Variants in PDE1A observed in about 807,000 individuals in gnomAD.
PDE1A encodes phosphodiesterase 1A.
In PDE1A, 35 loss-of-function variants were observed where a neutral mutation model predicts 61.7. The ratio of observed to expected loss-of-function variants is 0.57; its 90% CI spans 0.43 to 0.75. PDE1A has a LOEUF of 0.75. Ranked by LOEUF, PDE1A falls within the 30% of genes least tolerant of loss-of-function variation. The probability of loss-of-function intolerance (pLI) is 0.00; values close to 1 mark genes in which losing one functional copy is unlikely to be tolerated. For missense variants in PDE1A, 597 were observed against 630.6 expected (o/e 0.95, Z 0.57); for synonymous variants, 232 against 213.2 (o/e 1.09, Z -0.77).
chr2:182,410,951 T>C lies in PDE1A; in HGVS notation c.53+15627A>G, dbSNP rs1702575275. Among the ~76,000 whole-genome samples, 3 of 152,216 alleles carry C rather than the reference T, an allele frequency of 2.0e-5. No homozygotes were observed. The South Asian group carries it at 6.2e-4, about 32-fold the overall frequency. On this transcript the variant is annotated intron_variant, in intron 1 of 13. Transcript: ENST00000351439. ...GTAATTGGTTAATTTGGGAAGTTTG[T>C]GTCTTCTCCCAAATAGAATCTGCTA...
At chr2:182,684,420 G>C in the PDE1A span, among the ~76,000 whole-genome samples, 1 of 152,076 alleles carries the variant, frequency 6.6e-6, no homozygotes, top group Non-Finnish European at 1.5e-5. Flanking sequence ...CACCAAGAAA[G>C]AACTCACTAG....
the PDE1A span, among the ~76,000 whole-genome samples, chr2:182,693,637 C>CTTTTTTTT: frequency 1.6e-5 from 2 of 123,428 alleles, no homozygotes; most frequent in Non-Finnish European, 3.4e-5. Flanking sequence ...TGATAGTGTT[C>CTTTTTTTT]TTTTTTTTTT....
At chr2:182,395,910 A>G (rs1158637979) in intron 1 of PDE1A, among the ~76,000 whole-genome samples, 1 of 152,182 alleles carries the variant, frequency 6.6e-6, no homozygotes, top group Non-Finnish European at 1.5e-5. Flanking sequence ...AGTGGTCATC[A>G]AGTCACCATG....
At chr2:182,453,123 A>G (rs1207277685) in intron 2 of PDE1A, among the ~76,000 whole-genome samples, 3 of 152,112 alleles carry the variant, frequency 2.0e-5, no homozygotes, top group African/African-American at 7.2e-5. Context: ...ACGTATTTTT[A>G]TGGCCTAAAA....
chr2:182,663,424 T>G, the PDE1A span, among the ~76,000 whole-genome samples: 2 of 152,154 alleles, frequency 1.3e-5, no homozygotes, highest in Non-Finnish European at 2.9e-5. Flanking sequence ...GAAACAACCT[T>G]AATGCCTATC....
chr2:182,325,190 G>A lies in PDE1A; in HGVS notation c.54-60776C>T, dbSNP rs541396572. On this transcript the variant is annotated intron_variant, in intron 1 of 13. Coordinates refer to ENST00000351439, the Ensembl canonical transcript of PDE1A. ...GAAGATATAAGTCTCAAGTATGAGA[G>A]TAATGGAAAATATAGACTTGTTGGT... 5.9e-5 allele frequency among the ~76,000 whole-genome samples: 9 copies of A among 152,316 alleles called. No individual in the cohort carries two copies. In the East Asian group the frequency reaches 1.7e-3, roughly 29 times the overall value.
chr2:182,612,750 ACTT>A, the PDE1A span, among the ~76,000 whole-genome samples: 1 of 152,242 alleles, frequency 6.6e-6, no homozygotes, highest in East Asian at 1.9e-4. Context: ...CTGTCAACTG[ACTT>A]ATACAAAAAC....
chr2:182,262,119 C>CAA (rs1692257130), intron 2 of PDE1A, among the ~76,000 whole-genome samples: 1 of 150,336 alleles, frequency 6.7e-6, no homozygotes, highest in Non-Finnish European at 1.5e-5. Flanking sequence ...AAAATAATTT[C>CAA]TTTCTTTCTC....
At chr2:182,341,708 T>G (rs897896360) in intron 1 of PDE1A, among the ~76,000 whole-genome samples, 2 of 152,226 alleles carry the variant, frequency 1.3e-5, no homozygotes, top group African/African-American at 4.8e-5. Context: ...TGCTTTATTG[T>G]GTTCACATGT....
chr2:182,240,172 A>G (rs1299342871), exon 3 of PDE1A: 1 of 1,614,002 alleles, frequency 6.2e-7, no homozygotes, highest in Admixed American at 1.7e-5. Flanking sequence ...GTTTTTCCTC[A>G]GGTTTCTTTT....
intron 7 of PDE1A, among the ~76,000 whole-genome samples, chr2:182,213,268 C>T (rs1687825797): frequency 7.1e-6 from 1 of 140,662 alleles, no homozygotes; most frequent in Admixed American, 7.3e-5. Context: ...CCCATCTGTA[C>T]ATCACCATCA....
chr2:182,581,335 A>G, the PDE1A span, among the ~76,000 whole-genome samples: 2 of 152,140 alleles, frequency 1.3e-5, no homozygotes, highest in Non-Finnish European at 2.9e-5. Context: ...ACAAACCTCA[A>G]ACGGCCTCAT....
chr2:182,338,349 C>T (rs1697972728), intron 1 of PDE1A, among the ~76,000 whole-genome samples: 1 of 152,030 alleles, frequency 6.6e-6, no homozygotes. Context: ...GTGTAAAATG[C>T]TTTTAATAAA....
the PDE1A span, among the ~76,000 whole-genome samples, chr2:182,670,634 CA>C: frequency 6.6e-6 from 1 of 152,186 alleles, no homozygotes; most frequent in African/African-American, 2.4e-5. Flanking sequence ...CTCTTTTTAA[CA>C]AGCTCTCCAG....
intron 2 of PDE1A, among the ~76,000 whole-genome samples, chr2:182,500,259 A>G (rs1183397677): frequency 6.6e-6 from 1 of 152,186 alleles, no homozygotes; most frequent in Non-Finnish European, 1.5e-5. Flanking sequence ...ATTCAGTCAT[A>G]AGACTACAAA....
At chr2:182,559,225 T>G in the PDE1A span, among the ~76,000 whole-genome samples, 5 of 152,120 alleles carry the variant, frequency 3.3e-5, no homozygotes, top group African/African-American at 1.2e-4. Flanking sequence ...AAGTTAACTT[T>G]GAAAAGAAGT....
chr2:182,712,853 G>C, the PDE1A span, among the ~76,000 whole-genome samples: 6 of 152,100 alleles, frequency 3.9e-5, no homozygotes, highest in Admixed American at 3.3e-4. Flanking sequence ...ACCGCGCCTG[G>C]CTCAGTTTTT....
At chr2:182,441,833 A>G (rs1684816814) in intron 2 of PDE1A, among the ~76,000 whole-genome samples, 1 of 152,114 alleles carries the variant, frequency 6.6e-6, no homozygotes, top group Non-Finnish European at 1.5e-5. Context: ...CTGAGCATCA[A>G]AATAAATAAT....
the PDE1A span, among the ~76,000 whole-genome samples, chr2:182,596,384 C>T: frequency 6.6e-6 from 1 of 152,168 alleles, no homozygotes; most frequent in Non-Finnish European, 1.5e-5. Context: ...ACACATGAGA[C>T]ATACCTTCCC....
Sources: gnomAD v4.1 joint callset for allele counts (sites outside exome capture counted in the v4.1 genomes callset) on GRCh38, gnomAD v4.1.1 for gene constraint, MANE v1.5 for transcripts, NCBI Gene and HGNC (gene_info 2026-07-23, HGNC 2026-07-21) for gene names.